AGK: variants seen among roughly 807,000 people sequenced by gnomAD.
AGK encodes the protein acylglycerol kinase, also known as acylglycerol kinase, mitochondrial.
A neutral mutation model predicts 66.4 loss-of-function variants in AGK; 52 were observed. The ratio of observed to expected loss-of-function variants is 0.78; its 90% CI spans 0.63 to 0.99. The LOEUF (loss-of-function observed/expected upper bound fraction) is 0.99. Among genes scored for constraint, AGK ranks in the 50% least tolerant of loss-of-function variants. The probability of loss-of-function intolerance (pLI) is 0.00; values close to 1 mark genes in which losing one functional copy is unlikely to be tolerated. For synonymous variants in AGK, 182 were observed against 181.1 expected (o/e 1.00, Z -0.04); for missense variants, 451 against 506.6 (o/e 0.89, Z 1.05).
At chr7:141,605,013 T>A (rs936475499) in intron 5 of AGK, among the ~76,000 whole-genome samples, 19 of 152,128 alleles carry the variant, frequency 1.2e-4, no homozygotes, top group Admixed American at 1.2e-3. Flanking sequence ...ATCTACTGTT[T>A]TGTTATAATT....
intron 8 of AGK, among the ~76,000 whole-genome samples, chr7:141,621,384 T>C (rs1796820703): frequency 6.6e-6 from 1 of 152,228 alleles, no homozygotes; most frequent in African/African-American, 2.4e-5. Context: ...TTTTTGGAAA[T>C]GCCTGAATTT....
intron 10 of AGK, among the ~76,000 whole-genome samples, chr7:141,635,928 G>A (rs1004490948): frequency 1.3e-5 from 2 of 152,040 alleles, no homozygotes; most frequent in African/African-American, 4.8e-5. Context: ...TATTTCTTCT[G>A]TTTCCTCCGC....
intron 5 of AGK, among the ~76,000 whole-genome samples, chr7:141,606,220 G>T (rs1041186661): frequency 6.6e-6 from 1 of 152,020 alleles, no homozygotes; most frequent in African/African-American, 2.4e-5. Flanking sequence ...TCTTTCTTCC[G>T]CAAAATAGTC....
At chr7:141,591,085 T>C (rs1474883480) in intron 2 of AGK, among the ~76,000 whole-genome samples, 1 of 115,994 alleles carries the variant, frequency 8.6e-6, no homozygotes. Context: ...TTAAGTTGTT[T>C]TTTTTTTTTT....
intron 13 of AGK, among the ~76,000 whole-genome samples, chr7:141,646,574 G>A (rs1460108077): frequency 6.6e-6 from 1 of 152,128 alleles, no homozygotes; most frequent in Admixed American, 6.5e-5. Context: ...TTTAGAACAG[G>A]GGTCAGCAAA....
At chr7:141,628,474 A>G (rs1400680986) in intron 9 of AGK, among the ~76,000 whole-genome samples, 2 of 152,248 alleles carry the variant, frequency 1.3e-5, no homozygotes, top group Admixed American at 1.3e-4. Context: ...TATAAGCATT[A>G]TAGATAAAGC....
chr7:141,560,803 T>TC (rs1795328250), intron 2 of AGK, among the ~76,000 whole-genome samples: 1 of 149,360 alleles, frequency 6.7e-6, no homozygotes, highest in South Asian at 2.1e-4. Context: ...TTCTTTTTTT[T>TC]TTTTTTTTTT....
At chr7:141,626,702 T>C (rs1796945825) in intron 9 of AGK, among the ~76,000 whole-genome samples, 1 of 152,258 alleles carries the variant, frequency 6.6e-6, no homozygotes, top group East Asian at 1.9e-4. Flanking sequence ...AATGTCAATG[T>C]CATGAAATCC....
At chr7:141,641,539 C>A in intron 12 of AGK, 141 bp downstream of exon 12, 1 of 1,019,136 alleles carries the variant, frequency 9.8e-7, no homozygotes, top group Non-Finnish European at 1.4e-6. Context: ...CTTCTGTGTG[C>A]CACCAGAGCA....
At chr7:141,591,464 G>A (rs892897279) in intron 2 of AGK, among the ~76,000 whole-genome samples, 5 of 152,054 alleles carry the variant, frequency 3.3e-5, no homozygotes, top group Non-Finnish European at 5.9e-5. Flanking sequence ...TAGTGAAGCC[G>A]CCTGCTTTGT....
rs201192380 is a variant in AGK, at chr7:141,649,243, A to G, written c.976-20A>G. 7.3e-5 allele frequency: 115 copies of G among 1,580,254 alleles called. No individual in the cohort carries two copies. The highest frequency in any genetic ancestry group is 3.7e-4 in the Admixed American group (22 of 59,916). On this transcript the variant is annotated intron_variant, in intron 13 of 15. Coordinates refer to ENST00000649286, the MANE Select transcript of AGK (RefSeq NM_018238.4). Reference sequence around the variant, plus strand: ...GCCAAATTTTAAGAGTAATGACGTTAGTGTTCTTAACCTTTTTAGAGCAAA... The same window carrying G: ...GCCAAATTTTAAGAGTAATGACGTTGGTGTTCTTAACCTTTTTAGAGCAAA...
At chr7:141,575,380 G>A (rs1795712528) in intron 2 of AGK, among the ~76,000 whole-genome samples, 1 of 152,204 alleles carries the variant, frequency 6.6e-6, no homozygotes, top group African/African-American at 2.4e-5. Flanking sequence ...GGAGATGACA[G>A]CATCCTGCTT....
intron 8 of AGK, among the ~76,000 whole-genome samples, chr7:141,617,221 T>C (rs1336441651): frequency 6.6e-6 from 1 of 152,140 alleles, no homozygotes; most frequent in Non-Finnish European, 1.5e-5. Flanking sequence ...GCATATGTCA[T>C]TGATCCAAGG....
At chr7:141,604,818 G>A (rs958820584) in intron 5 of AGK, among the ~76,000 whole-genome samples, 4 of 151,856 alleles carry the variant, frequency 2.6e-5, no homozygotes, top group African/African-American at 4.8e-5. Flanking sequence ...TCTTGACCTC[G>A]TGATCTGCCT....
intron 13 of AGK, among the ~76,000 whole-genome samples, chr7:141,645,143 A>G (rs1015725134): frequency 6.6e-6 from 1 of 152,100 alleles, no homozygotes; most frequent in East Asian, 1.9e-4. Context: ...CAATTTGGAG[A>G]GAAATGACAT....
At position 141,622,366 on chromosome 7, in the gene AGK, G is replaced by A. The variant is rs554559587; in HGVS notation, c.588+565G>A. On this transcript the variant is annotated intron_variant, in intron 9 of 15. Transcript: ENST00000649286. ...TGCCTGACTGCATTTCACAGATATT[G>A]TGCTTTTTACAAATTGAACGTCTGT... is the stretch of plus-strand genomic sequence containing the variant. Among the ~76,000 whole-genome samples the A allele has an allele frequency of 5.9e-5, 9 of 152,240 alleles. No individual in the cohort carries two copies. In the East Asian group the frequency reaches 1.7e-3, roughly 29 times the overall value.
At chr7:141,650,659 T>C in intron 14 of AGK, 1 of 985,200 alleles carries the variant, frequency 1.0e-6, no homozygotes, top group Non-Finnish European at 1.2e-6. Context: ...TGAGGTGGAG[T>C]GTGTGTCTGT....
intron 14 of AGK, among the ~76,000 whole-genome samples, 178 bp downstream of exon 14, chr7:141,649,511 A>G (rs1797502037): frequency 6.6e-6 from 1 of 152,212 alleles, no homozygotes; most frequent in South Asian, 2.1e-4. Context: ...TATGCTGGCC[A>G]TCACTGTTCA....
At position 141,633,964 on chromosome 7, in the gene AGK, G is replaced by T; in HGVS notation, c.652G>T (p.Gly218Cys). ...TCGATGGGGATCTTTCAGAGATGCT[G>T]GCGTCAAAGTTAGCAAGTAAAGGAT... ...GLRWGSFRDA[G>C]VKVSKYWYLG... The change falls in exon 10 of 16, where the codon GGC (glycine) becomes TGC (cysteine). Residue 218 changes from glycine (G) to cysteine (C), a missense_variant. By Grantham distance (159) the Gly-to-Cys change is radical. Transcript: ENST00000649286. 1 of 1,613,854 alleles carries T rather than the reference G, an allele frequency of 6.2e-7. No individual in the cohort carries two copies. Among genetic ancestry groups the T allele is most frequent in the Non-Finnish European group, 8.5e-7 (1 of 1,179,768 alleles).
Sources: gnomAD v4.1 joint callset for allele counts (sites outside exome capture counted in the v4.1 genomes callset) on GRCh38, gnomAD v4.1.1 for gene constraint, MANE v1.5 for transcripts, NCBI Gene and HGNC (gene_info 2026-07-23, HGNC 2026-07-21) for gene names.